The following IQGAP2 variants were observed in gnomAD, a reference collection of about 807,000 sequenced individuals.
IQGAP2 encodes ras GTPase-activating-like protein IQGAP2.
In IQGAP2, 173 loss-of-function variants were observed where a neutral mutation model predicts 201.3. The observed-to-expected ratio is 0.86, with a 90% CI of 0.76 to 0.98. IQGAP2 has a LOEUF of 0.98. Ranked by LOEUF, IQGAP2 falls within the 50% of genes least tolerant of loss-of-function variation. IQGAP2 has a pLI of 0.00. For missense variants in IQGAP2, 1,687 were observed against 1,864.8 expected, an observed-to-expected ratio of 0.90 and a Z score of 1.76; for synonymous variants, 675 against 673.9, an observed-to-expected ratio of 1.00 and a Z score of -0.03.
Position 76,590,468 on chromosome 5 carries a change from TTG to T in IQGAP2, c.703_704del (p.Val235AsnfsTer14), listed in dbSNP as rs747031388. On this transcript the variant is annotated frameshift_variant, in exon 8 of 36. Coordinates refer to ENST00000274364, the MANE Select transcript of IQGAP2 (RefSeq NM_006633.5). LOFTEE classifies it high-confidence loss of function. ...GAAAAAGGAATAGCAGAGCAAACCG[TTG>T]TAACACTAAGAAACCCAAATGCGGT... is the stretch of plus-strand genomic sequence containing the variant. The T allele has an allele frequency of 1.2e-6, 2 of 1,613,900 alleles. No individual in the cohort carries two copies. Among genetic ancestry groups the T allele is most frequent in the Non-Finnish European group, 1.7e-6 (2 of 1,179,888 alleles).
Position 76,611,171 on chromosome 5 carries a change from A to C in IQGAP2, c.1509A>C (p.Ser503=), listed in dbSNP as rs752475695. The change falls in exon 13 of 36, where the codon TCA becomes TCC. Residue 503 remains serine, a synonymous_variant. Coordinates refer to ENST00000274364, the MANE Select transcript of IQGAP2 (RefSeq NM_006633.5). ...HYQDVLYHAK[S]QKLGDSESVS... ...AGGATGTTTTATACCATGCTAAATC[A>C]CAGAAACTCGGAGTAAGTTTTAGTA... 211 of 1,608,248 alleles carry C rather than the reference A, an allele frequency of 1.3e-4. 2 individuals carry two copies. In the Admixed American group the frequency reaches 3.5e-3, roughly 27 times the overall value.
intron 17 of IQGAP2, among the ~76,000 whole-genome samples, chr5:76,642,161 G>C (rs1380772745): frequency 1.3e-5 from 2 of 151,706 alleles, no homozygotes; most frequent in Non-Finnish European, 2.9e-5. Context: ...GTGAACAAAA[G>C]CCTAAAAATA....
At chr5:76,431,437 A>T (rs1307014321) in intron 1 of IQGAP2, among the ~76,000 whole-genome samples, 1 of 152,100 alleles carries the variant, frequency 6.6e-6, no homozygotes, top group Non-Finnish European at 1.5e-5. Flanking sequence ...TATTATATGA[A>T]TTGGTACAGT....
At chr5:76,622,235 T>G (rs778424409) in intron 13 of IQGAP2, among the ~76,000 whole-genome samples, 61 of 152,146 alleles carry the variant, frequency 4.0e-4, no homozygotes, top group Non-Finnish European at 2.5e-4. Flanking sequence ...AAACCTTGCT[T>G]CTTTTGCAAT....
chr5:76,520,326 C>T (rs975278904), intron 2 of IQGAP2, among the ~76,000 whole-genome samples: 4 of 152,152 alleles, frequency 2.6e-5, no homozygotes, highest in African/African-American at 9.7e-5. Context: ...TTGTCAAAAA[C>T]CAGTTGACCA....
intron 2 of IQGAP2, among the ~76,000 whole-genome samples, chr5:76,506,251 G>C (rs562499373): frequency 1.0e-3 from 159 of 152,310 alleles, no homozygotes; most frequent in African/African-American, 2.6e-3. Flanking sequence ...CAGGACGAAG[G>C]ACTGGGCTAT....
chr5:76,470,782 T>A (rs1456712684), intron 2 of IQGAP2, among the ~76,000 whole-genome samples: 1 of 152,158 alleles, frequency 6.6e-6, no homozygotes, highest in African/African-American at 2.4e-5. Flanking sequence ...TTTAAAATAA[T>A]ACTAAATGGA....
chr5:76,426,840 A>G (rs1349541330), intron 1 of IQGAP2, among the ~76,000 whole-genome samples: 2 of 151,402 alleles, frequency 1.3e-5, no homozygotes, highest in Admixed American at 6.6e-5. Context: ...CTGCCCCTCC[A>G]TCCTTGGCTG....
intron 5 of IQGAP2, among the ~76,000 whole-genome samples, chr5:76,581,019 G>A (rs1034493999): frequency 2.6e-5 from 4 of 152,180 alleles, no homozygotes; most frequent in African/African-American, 4.8e-5. Flanking sequence ...TACTCTTCCC[G>A]CTGCTGATAC....
chr5:76,499,985 G>C (rs948157661), intron 2 of IQGAP2, among the ~76,000 whole-genome samples: 6 of 152,104 alleles, frequency 3.9e-5, no homozygotes, highest in South Asian at 2.1e-4. Flanking sequence ...GCATGCACTT[G>C]TAGTCCCAGC....
intron 21 of IQGAP2, among the ~76,000 whole-genome samples, chr5:76,659,633 G>A (rs1050095018): frequency 5.9e-5 from 9 of 152,076 alleles, no homozygotes; most frequent in African/African-American, 2.2e-4. Context: ...ACAGAATCTT[G>A]ACCCACGTAA....
chr5:76,696,329 T>C (rs1746742249), intron 32 of IQGAP2, among the ~76,000 whole-genome samples: 2 of 152,206 alleles, frequency 1.3e-5, no homozygotes, highest in Admixed American at 1.3e-4. Context: ...TGATCATTTG[T>C]TTTTAAGCAA....
chr5:76,510,740 C>G, intron 2 of IQGAP2: 1 of 508,392 alleles, frequency 2.0e-6, no homozygotes, highest in Non-Finnish European at 4.0e-6. Flanking sequence ...AAGGGTGTAC[C>G]TGGGGGCACC....
chr5:76,625,973 G>T (rs1401056504), intron 13 of IQGAP2, among the ~76,000 whole-genome samples: 1 of 152,126 alleles, frequency 6.6e-6, no homozygotes, highest in Non-Finnish European at 1.5e-5. Flanking sequence ...AAACACAATT[G>T]CTACCTGGAA....
chr5:76,468,989 A>G (rs1754956691), intron 2 of IQGAP2, among the ~76,000 whole-genome samples: 1 of 152,188 alleles, frequency 6.6e-6, no homozygotes, highest in Admixed American at 6.5e-5. Context: ...TTGGATCAGT[A>G]TCATTCGCTA....
chr5:76,695,365 C>A (rs1746627730), intron 31 of IQGAP2, 89 bp from the exon 32 acceptor site: 2 of 1,121,020 alleles, frequency 1.8e-6, no homozygotes, highest in Non-Finnish European at 1.3e-6. Context: ...GGACTACTTT[C>A]ATTTTGACAT....
At chr5:76,428,409 G>C (rs995723229) in intron 1 of IQGAP2, among the ~76,000 whole-genome samples, 2 of 151,704 alleles carry the variant, frequency 1.3e-5, no homozygotes, top group African/African-American at 4.8e-5. Flanking sequence ...ACTGTTCTGC[G>C]CCAGGAGTTT....
intron 2 of IQGAP2, among the ~76,000 whole-genome samples, chr5:76,497,906 C>T (rs920615409): frequency 6.6e-6 from 1 of 152,160 alleles, no homozygotes; most frequent in African/African-American, 2.4e-5. Flanking sequence ...TACTGGCCAC[C>T]ACCTATGGCC....
chr5:76,572,547 T>C lies in IQGAP2; in HGVS notation c.381+1890T>C, dbSNP rs185051165. Reference sequence around the variant, plus strand: ...GTATGTAGGATAACCCCCCGAGTTATCAAGTGTAACCTCCCGAGTAGCTGG... The same window carrying C: ...GTATGTAGGATAACCCCCCGAGTTACCAAGTGTAACCTCCCGAGTAGCTGG... On this transcript the variant is annotated intron_variant, in intron 4 of 35. Transcript: ENST00000274364. Among the ~76,000 whole-genome samples the C allele has an allele frequency of 2.2e-3, 341 of 152,180 alleles. 9 individuals carry two copies. Among genetic ancestry groups the C allele is most frequent in the Admixed American group, 0.02 (309 of 15,288 alleles).
Sources: gnomAD v4.1 joint callset for allele counts (sites outside exome capture counted in the v4.1 genomes callset) on GRCh38, gnomAD v4.1.1 for gene constraint, MANE v1.5 for transcripts, NCBI Gene and HGNC (gene_info 2026-07-23, HGNC 2026-07-21) for gene names.